PDC: variants seen among roughly 807,000 people sequenced by gnomAD.
The protein encoded by PDC is phosducin.
In PDC, 19 loss-of-function variants were observed where a neutral mutation model predicts 22.2. That is an observed-to-expected ratio of 0.86 (90% CI 0.60 to 1.26). The LOEUF is 1.26. Ranked by LOEUF, PDC falls within the 50% of genes most tolerant of loss-of-function variation. The probability of loss-of-function intolerance (pLI) is 0.00; values close to 1 mark genes in which losing one functional copy is unlikely to be tolerated. For synonymous variants in PDC, 97 were observed against 96.2 expected, an observed-to-expected ratio of 1.01 and a Z score of -0.05; for missense variants, 274 against 286.8, an observed-to-expected ratio of 0.96 and a Z score of 0.32.
Position 186,443,891 on chromosome 1 carries a change from C to G in PDC, c.*88G>C. 1 of 933,390 alleles carries G rather than the reference C, an allele frequency of 1.1e-6. No individual in the cohort carries two copies. The highest frequency in any genetic ancestry group is 1.7e-6 in the Non-Finnish European group (1 of 601,452). The allele number at this position is 933,390 out of a possible 1,614,324, so 57.8% of individuals were successfully genotyped here. On this transcript the variant is annotated 3_prime_UTR_variant, in exon 4 of 4. Coordinates refer to ENST00000391997, the MANE Select transcript of PDC (RefSeq NM_002597.5). ...TCAAGTTAGCATAGCCGTGCCCATACTCTGTGTTCACTAAAGCAATATAGA... is the reference window on the plus strand; with the variant it reads ...TCAAGTTAGCATAGCCGTGCCCATAGTCTGTGTTCACTAAAGCAATATAGA...
chr1:186,459,404 G>T (rs1199074447), intron 1 of PDC, among the ~76,000 whole-genome samples: 1 of 152,158 alleles, frequency 6.6e-6, no homozygotes, highest in African/African-American at 2.4e-5. Context: ...CGAGTGATCC[G>T]CCAGCCTTGG....
chr1:186,444,127 A>T lies in PDC; in HGVS notation c.593T>A (p.Ile198Lys). 1 of 1,614,076 alleles carries T rather than the reference A, an allele frequency of 6.2e-7. No individual in the cohort carries two copies. Among genetic ancestry groups the T allele is most frequent in the Non-Finnish European group, 8.5e-7 (1 of 1,179,956 alleles). ...TLLIYKGGELISNFISVAEQF... is the reference protein window; with the variant it reads ...TLLIYKGGELKSNFISVAEQF... ...TTCAGCAACACTAATAAAATTGCTT[A>T]TGAGTTCCCCACCTTTATAGATGAG... Residue 198 changes from isoleucine (I) to lysine (K), a missense_variant, in exon 4 of 4, where the codon ATA becomes AAA. Physicochemically the swap from Ile to Lys is moderately radical, Grantham distance 102 (BLOSUM62 -3). Transcript: ENST00000391997.
chr1:186,456,011 A>G (rs1199138994), intron 1 of PDC, among the ~76,000 whole-genome samples: 1 of 130,676 alleles, frequency 7.7e-6, no homozygotes, highest in Non-Finnish European at 1.6e-5. Flanking sequence ...ATATATATAT[A>G]TATATATATA....
At chr1:186,453,787 C>A (rs543162822) in intron 1 of PDC, among the ~76,000 whole-genome samples, 1 of 152,108 alleles carries the variant, frequency 6.6e-6, no homozygotes, top group Non-Finnish European at 1.5e-5. Flanking sequence ...TATTTTTAAT[C>A]CACACAAAAC....
At chr1:186,451,973 T>G (rs536980734) in intron 1 of PDC, among the ~76,000 whole-genome samples, 1 of 152,268 alleles carries the variant, frequency 6.6e-6, no homozygotes, top group East Asian at 1.9e-4. Flanking sequence ...TCCATTTGAG[T>G]TAGAGTACAA....
Position 186,444,004 on chromosome 1 carries a change from T to C in PDC, c.716A>G (p.Lys239Arg). Residue 239 changes from lysine to arginine, a missense_variant, in exon 4 of 4, where the codon AAA becomes AGA. Physicochemically the swap from Lys to Arg is conservative, Grantham distance 26. Transcript: ENST00000391997. ...EREVHVLEHT[K>R]IEEEDVE ...TCATTCAACATCTTCTTCTTCTATT[T>C]TGGTATGCTCTAGGACATGTACCTC... The C allele has an allele frequency of 6.2e-7, 1 of 1,607,752 alleles. No homozygotes were observed. Among genetic ancestry groups the C allele is most frequent in the East Asian group, 2.2e-5 (1 of 44,826 alleles).
intron 2 of PDC, among the ~76,000 whole-genome samples, chr1:186,447,878 C>T (rs1015457651): frequency 6.6e-6 from 1 of 151,986 alleles, no homozygotes; most frequent in Non-Finnish European, 1.5e-5. Context: ...CCATTTTGTT[C>T]GTGTTTTCTA....
chr1:186,448,186 G>T (rs1662275369), intron 2 of PDC, among the ~76,000 whole-genome samples: 1 of 152,178 alleles, frequency 6.6e-6, no homozygotes, highest in Non-Finnish European at 1.5e-5. Context: ...CCTGGTCAAA[G>T]GGCATATACA....
chr1:186,451,366 GA>G (rs989697715), intron 1 of PDC: 1 of 152,114 alleles, frequency 6.6e-6, no homozygotes, highest in African/African-American at 2.4e-5. Context: ...CTGCTGTACA[GA>G]AAAGCCATCT....
intron 1 of PDC, chr1:186,451,017 T>C (rs902947027): frequency 6.6e-6 from 1 of 152,240 alleles, no homozygotes; most frequent in Non-Finnish European, 1.5e-5. Context: ...TAGTTTTCTA[T>C]TGATTTACAC....
chr1:186,459,388 T>C (rs1662533519), intron 1 of PDC, among the ~76,000 whole-genome samples: 1 of 152,144 alleles, frequency 6.6e-6, no homozygotes, highest in Non-Finnish European at 1.5e-5. Flanking sequence ...CTCCAGCCCC[T>C]AACCGCGAGT....
chr1:186,448,349 C>T (rs1489154656), intron 2 of PDC, among the ~76,000 whole-genome samples: 2 of 151,946 alleles, frequency 1.3e-5, no homozygotes, highest in African/African-American at 4.8e-5. Flanking sequence ...CTTTTTTTCC[C>T]CATGAATAGT....
At chr1:186,445,882 G>T (rs1029175977) in intron 3 of PDC, among the ~76,000 whole-genome samples, 1 of 151,982 alleles carries the variant, frequency 6.6e-6, no homozygotes, top group Non-Finnish European at 1.5e-5. Context: ...TTTTTAAGTT[G>T]TTGCTATAGT....
intron 2 of PDC, among the ~76,000 whole-genome samples, chr1:186,448,398 GTTTCT>G (rs1662280304): frequency 6.6e-6 from 1 of 151,956 alleles, no homozygotes; most frequent in African/African-American, 2.4e-5. Flanking sequence ...TTGGTAATTA[GTTTCT>G]TTTCTTATCG....
At chr1:186,451,455 C>T (rs1278728021) in intron 1 of PDC, among the ~76,000 whole-genome samples, 3 of 152,076 alleles carry the variant, frequency 2.0e-5, no homozygotes, top group Non-Finnish European at 4.4e-5. Context: ...AAGAAAACTA[C>T]AAAACAAAGA....
intron 1 of PDC, among the ~76,000 whole-genome samples, chr1:186,457,218 A>G (rs1662489369): frequency 6.6e-6 from 1 of 152,210 alleles, no homozygotes; most frequent in Non-Finnish European, 1.5e-5. Flanking sequence ...CCCCAATGTC[A>G]TATTGGACTC....
At chr1:186,448,120 T>C (rs1662273930) in intron 2 of PDC, among the ~76,000 whole-genome samples, 2 of 152,206 alleles carry the variant, frequency 1.3e-5, no homozygotes, top group Admixed American at 6.5e-5. Context: ...AAGAATCTTG[T>C]GCATACATTT....
chr1:186,458,765 G>T (rs888179941), intron 1 of PDC, among the ~76,000 whole-genome samples: 1 of 152,206 alleles, frequency 6.6e-6, no homozygotes, highest in African/African-American at 2.4e-5. Context: ...GTTTGGGCCA[G>T]TCTCCTGGAA....
At chr1:186,454,264 C>T (rs980537903) in intron 1 of PDC, among the ~76,000 whole-genome samples, 1 of 150,700 alleles carries the variant, frequency 6.6e-6, no homozygotes, top group African/African-American at 2.4e-5. Flanking sequence ...CTTCTGCCTC[C>T]CGGGTCCCTG....
Sources: allele counts gnomAD v4.1 joint callset (sites outside exome capture counted in the v4.1 genomes callset), GRCh38; gene constraint gnomAD v4.1.1; transcripts MANE v1.5; gene names NCBI Gene and HGNC (gene_info 2026-07-23, HGNC 2026-07-21).